The following RTL5 variants were observed in gnomAD, a reference collection of about 807,000 sequenced individuals.
RTL5 encodes retrotransposon Gag-like protein 5.
A neutral mutation model predicts 7.7 loss-of-function variants in RTL5; 8 were observed. That is an observed-to-expected ratio of 1.04 (90% CI 0.61 to 1.88). The LOEUF is 1.88. RTL5 is among the 40% of genes most tolerant of loss of function. The pLI is 0.00. For missense variants in RTL5, 457 were observed against 472.7 expected, an observed-to-expected ratio of 0.97 and a Z score of 0.31; for synonymous variants, 188 against 191.8, an observed-to-expected ratio of 0.98 and a Z score of 0.16.
At chrX:72,130,796 A>G in exon 1 of RTL5, 1 of 1,211,807 alleles carries the variant, frequency 8.3e-7, no homozygotes, top group Non-Finnish European at 1.1e-6. Flanking sequence ...CCGAGGGTAC[A>G]GTGGCCCTGC....
chrX:72,129,462 A>G lies in RTL5; in HGVS notation c.*369T>C, dbSNP rs1387182781. The G allele has an allele frequency of 2.2e-5, 4 of 181,074 alleles. No individual in the cohort carries two copies. The South Asian group carries it at 6.6e-4, about 30-fold the overall frequency. The allele number at this position is 181,074 out of a possible 1,213,427, so 14.9% of individuals were successfully genotyped here. A position where few individuals can be genotyped will look rare whatever the true frequency, so the allele number is the denominator to read the frequency against. On this transcript the variant is annotated 3_prime_UTR_variant, in exon 1 of 1. Transcript: ENST00000609883. ...CAGTCAGAGAATAAAACTGTAGAACATAGGGTGAAGAAACGCAGGAGAGGT... is the reference window on the plus strand; with the variant it reads ...CAGTCAGAGAATAAAACTGTAGAACGTAGGGTGAAGAAACGCAGGAGAGGT...
exon 1 of RTL5, chrX:72,131,560 C>T (rs753296835): frequency 5.2e-6 from 6 of 1,147,852 alleles, no homozygotes; most frequent in Non-Finnish European, 6.9e-6. Context: ...CCCAGGGGCC[C>T]TGGGGCTCCG....
chrX:72,131,315 T>G lies in RTL5; in HGVS notation c.226A>C (p.Ile76Leu). 3.3e-6 allele frequency: 4 copies of G among 1,200,507 alleles called. No individual in the cohort carries two copies. The highest frequency in any genetic ancestry group is 3.4e-6 in the Non-Finnish European group (3 of 889,930). The change falls in exon 1 of 1, where the codon ATC (isoleucine) becomes CTC (leucine). Residue 76 changes from isoleucine (I) to leucine (L), a missense_variant. Transcript: ENST00000609883. ...AGTTCTCCCCCGGGAATGACTTCGATCTCACTGAGCGCGAACTCCAAGTTC... is the reference window on the plus strand; with the variant it reads ...AGTTCTCCCCCGGGAATGACTTCGAGCTCACTGAGCGCGAACTCCAAGTTC...
At chrX:72,130,273 T>C (rs1474172962) in exon 1 of RTL5, 4 of 1,201,553 alleles carry the variant, frequency 3.3e-6, no homozygotes, top group Non-Finnish European at 4.5e-6. Flanking sequence ...TTCATCTTCT[T>C]CATCCTTACT....
exon 1 of RTL5, chrX:72,129,763 G>T (rs2042264910): frequency 9.6e-7 from 1 of 1,038,379 alleles, no homozygotes; most frequent in Non-Finnish European, 1.3e-6. Flanking sequence ...GGGCAGGTAT[G>T]GCAGCAATAG....
exon 1 of RTL5, chrX:72,131,283 G>A: frequency 8.3e-7 from 1 of 1,200,780 alleles, no homozygotes; most frequent in Non-Finnish European, 1.1e-6. Flanking sequence ...GCCGGCACAA[G>A]AAGGGCAGTT....
At chrX:72,129,683 G>A (rs1042133244) in exon 1 of RTL5, 1 of 576,657 alleles carries the variant, frequency 1.7e-6, no homozygotes, top group Non-Finnish European at 2.7e-6. Flanking sequence ...TTGCAAGATG[G>A]TCTGGAATTC....
Position 72,131,173 on chromosome X carries a change from A to G in RTL5, c.368T>C (p.Leu123Pro), listed in dbSNP as rs776036698. 26 of 1,170,618 alleles carry G rather than the reference A, an allele frequency of 2.2e-5. No homozygotes were observed. In the African/African-American group the frequency reaches 4.4e-4, roughly 20 times the overall value. ...CAGCGCCGGCGGGGGCGGGATGGGC[A>G]GCAGAGGGGGGTCAGCGGGCCCGTC... is the stretch of plus-strand genomic sequence containing the variant. Residue 123 changes from leucine to proline, a missense_variant, in exon 1 of 1, where the codon CTG (leucine) becomes CCG (proline). Leu to Pro is a moderately conservative substitution (Grantham distance 98, BLOSUM62 -3). Coordinates refer to ENST00000609883, the Ensembl canonical transcript of RTL5.
exon 1 of RTL5, chrX:72,130,993 C>G: frequency 8.3e-7 from 1 of 1,211,370 alleles, no homozygotes; most frequent in Admixed American, 2.2e-5. Flanking sequence ...CTCGGCGCCC[C>G]CGGGGAAATG....
rs755915671 is a variant in RTL5 at position 72,130,600 on chromosome X, G to A, written c.941C>T (p.Pro314Leu). ...AACTCCAGGGAGCGGGATAGGCTTG[G>A]GAACGCGCACTTTTCTTTCTATCTC... The change falls in exon 1 of 1, where the codon CCC becomes CTC. Residue 314 changes from proline (P) to leucine (L), a missense_variant. Coordinates refer to ENST00000609883, the Ensembl canonical transcript of RTL5. 5.8e-6 allele frequency: 7 copies of A among 1,209,792 alleles called. No individual in the cohort carries two copies. In the African/African-American group the frequency reaches 1.2e-4, roughly 21 times the overall value.
In RTL5 at chrX:72,130,175, G is replaced by C. The variant is rs762226176; in HGVS notation, c.1366C>G (p.Leu456Val). 3.3e-6 allele frequency: 4 copies of C among 1,210,897 alleles called. No individual in the cohort carries two copies. In the Admixed American group the frequency reaches 8.7e-5, roughly 26 times the overall value. The change falls in exon 1 of 1, where the codon CTG (leucine) becomes GTG (valine). Residue 456 changes from leucine (L) to valine (V), a missense_variant. Leu to Val is a conservative substitution (Grantham distance 32). Transcript: ENST00000609883. ...AGGTCATCATCTTGGGCCTCATCCA[G>C]TGGCTCCTCCTCCACCTCACCATAG...
exon 1 of RTL5, chrX:72,128,070 G>A (rs890377068): frequency 4.0e-4 from 45 of 111,899 alleles, no homozygotes; most frequent in African/African-American, 1.4e-3. Context: ...TGGAGAGAGG[G>A]GATCTTTTTA....
At chrX:72,130,733 A>C in exon 1 of RTL5, 1 of 1,211,955 alleles carries the variant, frequency 8.3e-7, no homozygotes, top group Non-Finnish European at 1.1e-6. Flanking sequence ...TGGAGGCGGC[A>C]GTCATCCCAA....
exon 1 of RTL5, chrX:72,130,989 G>T (rs1569482985): frequency 8.3e-7 from 1 of 1,210,828 alleles, no homozygotes; most frequent in Non-Finnish European, 1.1e-6. Flanking sequence ...CCCGCTCGGC[G>T]CCCCCGGGGA....
At chrX:72,129,789 C>T in exon 1 of RTL5, 1 of 1,138,735 alleles carries the variant, frequency 8.8e-7, no homozygotes, top group Non-Finnish European at 1.2e-6. Flanking sequence ...GCGGGGGATG[C>T]AAAAGAAGGG....
chrX:72,129,412 G>A, exon 1 of RTL5: 1 of 139,029 alleles, frequency 7.2e-6, no homozygotes, highest in South Asian at 2.3e-4. Flanking sequence ...AGATCAGTGA[G>A]GCATTGGGTG....
exon 1 of RTL5, chrX:72,129,496 G>A (rs2042261360): frequency 4.1e-6 from 1 of 241,785 alleles, no homozygotes. Flanking sequence ...GTGAGGGTTA[G>A]GAACAACCAG....
chrX:72,130,234 C>T, exon 1 of RTL5: 3 of 1,210,340 alleles, frequency 2.5e-6, no homozygotes, highest in Non-Finnish European at 3.4e-6. Flanking sequence ...CTGTGGCTCT[C>T]CTTCTGGTTT....
At chrX:72,131,169 G>A in exon 1 of RTL5, 1 of 1,176,837 alleles carries the variant, frequency 8.5e-7, no homozygotes, top group Non-Finnish European at 1.1e-6. Flanking sequence ...GGGGCGGGAT[G>A]GGCAGCAGAG....
Sources: allele counts gnomAD v4.1 joint callset, GRCh38; gene constraint gnomAD v4.1.1; transcripts MANE v1.5; gene names NCBI Gene and HGNC (gene_info 2026-07-23, HGNC 2026-07-21).